Variants in HMGXB3 observed in about 807,000 individuals in gnomAD.
HMGXB3 encodes the protein HMG-box containing 3.
Under a neutral mutation model 121.5 loss-of-function variants are expected in HMGXB3, and 45 were observed. That is an observed-to-expected ratio of 0.37 (90% CI 0.29 to 0.47). HMGXB3 has a LOEUF of 0.47. Among genes scored for constraint, HMGXB3 ranks in the 20% least tolerant of loss-of-function variants. The probability of loss-of-function intolerance (pLI) is 0.99; values close to 1 mark genes in which losing one functional copy is unlikely to be tolerated. For synonymous variants in HMGXB3, 590 were observed against 624.1 expected, an observed-to-expected ratio of 0.95 and a Z score of 0.81; for missense variants, 1,376 against 1,602.2, an observed-to-expected ratio of 0.86 and a Z score of 2.41.
At position 150,052,275 on chromosome 5, in the gene HMGXB3, C is replaced by A; in HGVS notation, c.*83C>A. The A allele has an allele frequency of 9.0e-7, 1 of 1,110,990 alleles. No individual in the cohort carries two copies. The highest frequency in any genetic ancestry group is 1.3e-6 in the Non-Finnish European group (1 of 785,526). The allele number at this position is 1,110,990 out of a possible 1,614,324, so 68.8% of individuals were successfully genotyped here. A position where few individuals can be genotyped will look rare whatever the true frequency, so the allele number is the denominator to read the frequency against. On this transcript the variant is annotated 3_prime_UTR_variant, in exon 20 of 20. Coordinates refer to ENST00000502717, the MANE Select transcript of HMGXB3 (RefSeq NM_014983.3). ...GAGGCAGAGCTATCCAGGGGACCTG[C>A]AGAAGTGGTCTCCTGTGGGGAGGGC...
chr5:150,051,076 C>T (rs1009786106), intron 19 of HMGXB3, among the ~76,000 whole-genome samples: 1 of 152,228 alleles, frequency 6.6e-6, no homozygotes, highest in Admixed American at 6.5e-5. Flanking sequence ...CCAACCCTCT[C>T]CTTTTATTAA....
rs199970793 is a variant in HMGXB3, at chr5:150,030,977, AAGAT to A, written c.1833+139_1833+142del. The A allele has an allele frequency of 1.7e-3, 1,028 of 614,428 alleles. 7 individuals are homozygous for A. The highest frequency in any genetic ancestry group is 0.013 in the African/African-American group (682 of 54,092). The allele number at this position is 614,428 out of a possible 1,614,324, so 38.1% of individuals were successfully genotyped here. On this transcript the variant is annotated intron_variant, in intron 10 of 19. Transcript: ENST00000502717. ...GGTCAGGTATAGATTGTTAATGATG[AAGAT>A]CCCATCCCTGATGCAAATAATAGCT...
chr5:150,021,583 G>C (rs774928389), intron 6 of HMGXB3: 1 of 418,348 alleles, frequency 2.4e-6, no homozygotes, highest in Admixed American at 2.7e-5. Context: ...ATCTGCAGTG[G>C]TGACTTGCAC....
At chr5:150,006,357 G>C (rs1422688859) in intron 2 of HMGXB3, 116 bp from the exon 3 acceptor site, 3 of 776,448 alleles carry the variant, frequency 3.9e-6, no homozygotes, top group East Asian at 2.7e-5. Flanking sequence ...TCTTAGCATA[G>C]TAGTACTTAC....
At chr5:150,013,440 G>A (rs1755888892) in intron 5 of HMGXB3, among the ~76,000 whole-genome samples, 2 of 152,166 alleles carry the variant, frequency 1.3e-5, no homozygotes, top group South Asian at 2.1e-4. Flanking sequence ...TGACAGTGAT[G>A]TAGTATCCCT....
intron 16 of HMGXB3, among the ~76,000 whole-genome samples, chr5:150,046,714 A>C (rs1756763901): frequency 6.6e-6 from 1 of 152,028 alleles, no homozygotes; most frequent in African/African-American, 2.4e-5. Flanking sequence ...CAGGAGGCTG[A>C]GGCAGGAGAA....
intron 12 of HMGXB3, 104 bp from the exon 13 acceptor site, chr5:150,037,296 A>G: frequency 2.6e-6 from 3 of 1,165,012 alleles, no homozygotes; most frequent in South Asian, 3.5e-5. Flanking sequence ...AGAAAATCCT[A>G]AGCTCCAGCA....
At chr5:150,019,266 T>TC (rs377071285) in intron 6 of HMGXB3, among the ~76,000 whole-genome samples, 2 of 152,310 alleles carry the variant, frequency 1.3e-5, no homozygotes, top group African/African-American at 4.8e-5. Flanking sequence ...GTTTCTGTCA[T>TC]CCCCCCGTCT....
At position 150,015,095 on chromosome 5, in the gene HMGXB3, C is replaced by G. The variant is rs114087883; in HGVS notation, c.909+2742C>G. 3,556 of 373,160 alleles carry G rather than the reference C, an allele frequency of 9.5e-3. 33 individuals are homozygous for G. Among genetic ancestry groups the G allele is most frequent in the Middle Eastern group, 0.024 (71 of 3,000 alleles). 23.1% of individuals were successfully genotyped at this position (373,160 alleles called of 1,614,324 possible). A position where few individuals can be genotyped will look rare whatever the true frequency, so the allele number is the denominator to read the frequency against. ...CCAAAGGGGGACAGATATGGAGATA[C>G]AGGAGAATGTATTGCGGCCATCCAG... On this transcript the variant is annotated intron_variant, in intron 5 of 19. Coordinates refer to ENST00000502717, the MANE Select transcript of HMGXB3 (RefSeq NM_014983.3).
At position 150,045,460 on chromosome 5, in the gene HMGXB3, T is replaced by C; in HGVS notation, c.2731-6T>C. 6.4e-7 allele frequency: 1 copy of C among 1,551,494 alleles called. No individual in the cohort carries two copies. Among genetic ancestry groups the C allele is most frequent in the Non-Finnish European group, 8.7e-7 (1 of 1,146,460 alleles). On this transcript the variant is annotated splice_region_variant and splice_polypyrimidine_tract_variant and intron_variant, in intron 15 of 19. Transcript: ENST00000502717. ...CAGTTTGACCTTCTTTATCCTGACC[T>C]TCTAGTTCACCTGGCCTGAATTCCT...
rs1291544354 is a variant in HMGXB3 at position 150,036,827 on chromosome 5, C to T, written c.2175C>T (p.Asn725=). ...ACAGCTCTCGACTTATCTTGTCCAA[C>T]GTGAGTGAGGAGACAGTCACCATCG... ...ELNSSRLILS[N]VSEETVTIEQ... is the part of the protein sequence containing the mutation. The change falls in exon 12 of 20, where the codon AAC becomes AAT. Residue 725 remains asparagine (N), a synonymous_variant. Coordinates refer to ENST00000502717, the MANE Select transcript of HMGXB3 (RefSeq NM_014983.3). 4 of 1,551,720 alleles carry T rather than the reference C, an allele frequency of 2.6e-6. No individual in the cohort carries two copies. The highest frequency in any genetic ancestry group is 3.5e-6 in the Non-Finnish European group (4 of 1,147,002).
At chr5:150,036,971 C>T in intron 12 of HMGXB3, 34 bp downstream of exon 12, 2 of 1,515,042 alleles carry the variant, frequency 1.3e-6, no homozygotes, top group Non-Finnish European at 1.8e-6. Context: ...CTAGCTACCC[C>T]ATCCCATTTG....
At chr5:150,025,392 C>T (rs1358674564) in intron 7 of HMGXB3, among the ~76,000 whole-genome samples, 1 of 152,118 alleles carries the variant, frequency 6.6e-6, no homozygotes, top group East Asian at 1.9e-4. Flanking sequence ...GCAATGAACA[C>T]CAGAAGCCAA....
intron 14 of HMGXB3, among the ~76,000 whole-genome samples, chr5:150,041,383 A>C (rs1756630908): frequency 6.6e-6 from 1 of 152,176 alleles, no homozygotes; most frequent in Admixed American, 6.5e-5. Flanking sequence ...CTAGAGTTAC[A>C]TGGGCCTGTG....
chr5:150,031,722 G>C (rs1283111981), intron 10 of HMGXB3, among the ~76,000 whole-genome samples: 2 of 152,180 alleles, frequency 1.3e-5, no homozygotes, highest in Non-Finnish European at 2.9e-5. Flanking sequence ...GGTTCAGAAA[G>C]GGTCATTCAT....
intron 2 of HMGXB3, 105 bp downstream of exon 2, chr5:150,005,094 T>C (rs1755664889): frequency 4.3e-6 from 6 of 1,408,122 alleles, no homozygotes; most frequent in Admixed American, 2.7e-5. Flanking sequence ...AGTGTTATGA[T>C]TGAAGTCCTG....
chr5:150,041,200 G>T (rs1274638692), intron 14 of HMGXB3, among the ~76,000 whole-genome samples: 1 of 152,220 alleles, frequency 6.6e-6, no homozygotes, highest in Non-Finnish European at 1.5e-5. Flanking sequence ...CTGGATATCT[G>T]CTTCCAGTCC....
At chr5:150,005,468 G>A (rs11738277) in intron 2 of HMGXB3, among the ~76,000 whole-genome samples, 25,166 of 151,480 alleles carry the variant, frequency 0.17, 2,585 homozygotes, top group Admixed American at 0.27. Context: ...GCGTGGTGGC[G>A]CACACCTGTA....
chr5:150,040,595 C>T lies in HMGXB3; in HGVS notation c.2414-153C>T, dbSNP rs146884837. Among the ~76,000 whole-genome samples, 151 of 152,224 alleles carry T rather than the reference C, an allele frequency of 9.9e-4. 1 individual carries two copies. The East Asian group carries it at 0.019, about 19-fold the overall frequency. On this transcript the variant is annotated intron_variant, in intron 13 of 19. Transcript: ENST00000502717. Reference sequence around the variant, plus strand: ...CTCTCACTGTGTTACCCAAGCTAGTCGACAACTCCTGGGCTCAAGCGATCC... The same window carrying T: ...CTCTCACTGTGTTACCCAAGCTAGTTGACAACTCCTGGGCTCAAGCGATCC...
Sources: allele counts gnomAD v4.1 joint callset (sites outside exome capture counted in the v4.1 genomes callset), GRCh38; gene constraint gnomAD v4.1.1; transcripts MANE v1.5; gene names NCBI Gene and HGNC (gene_info 2026-07-23, HGNC 2026-07-21).